Variants in PHIP observed in about 807,000 individuals in gnomAD.
PHIP encodes the protein PH-interacting protein.
In PHIP, 54 loss-of-function variants were observed where a neutral mutation model predicts 236.8. That is an observed-to-expected ratio of 0.23 (90% confidence interval 0.18 to 0.29). The LOEUF (loss-of-function observed/expected upper bound fraction) is 0.29, where lower values mean the gene tolerates loss of function less well. Ranked by LOEUF, PHIP falls within the 10% of genes least tolerant of loss-of-function variation. The pLI, the probability that PHIP is intolerant of heterozygous loss-of-function variation, is 1.00. For synonymous variants in PHIP, 756 were observed against 718.9 expected, an observed-to-expected ratio of 1.05 and a Z score of -0.83; for missense variants, 1,370 against 2,190.8, an observed-to-expected ratio of 0.63 and a Z score of 7.48.
At chr6:78,971,867 C>T (rs1227728660) in intron 24 of PHIP, among the ~76,000 whole-genome samples, 11 of 152,150 alleles carry the variant, frequency 7.2e-5, no homozygotes, top group Admixed American at 2.6e-4. Flanking sequence ...GCACCTGGCT[C>T]GGAGGGTCCT....
chr6:78,970,143 T>TTA lies in PHIP; in HGVS notation c.3026_3027dup (p.Lys1010Ter). ...AGGGTAGGTAATCCCACTTCATACT[T>TTA]TATGCCAACTATTTTCATAAGTTCT... On this transcript the variant is annotated frameshift_variant, in exon 26 of 40. Coordinates refer to ENST00000275034, the MANE Select transcript of PHIP (RefSeq NM_017934.7). LOFTEE classifies it high-confidence loss of function. 1 of 1,612,156 alleles carries TTA rather than the reference T, an allele frequency of 6.2e-7. No individual in the cohort carries two copies. Among genetic ancestry groups the TTA allele is most frequent in the Non-Finnish European group, 8.5e-7 (1 of 1,178,454 alleles).
At chr6:79,063,491 A>T (rs1773483225) in intron 4 of PHIP, among the ~76,000 whole-genome samples, 1 of 152,130 alleles carries the variant, frequency 6.6e-6, no homozygotes, top group South Asian at 2.1e-4. Flanking sequence ...ATCTCGGCTC[A>T]CTGCAACCTC....
Position 79,000,717 on chromosome 6 carries a change from TATCTA to T in PHIP, c.1879+1177_1879+1181del, listed in dbSNP as rs540850698. ...CCAGAACTTCTCTAATACTGAAACT[TATCTA>T]ATCTGAGTCTGAGTATCTGTCCATA... On this transcript the variant is annotated intron_variant, in intron 17 of 39. Coordinates refer to ENST00000275034, the MANE Select transcript of PHIP (RefSeq NM_017934.7). Among the ~76,000 whole-genome samples the T allele has an allele frequency of 2.6e-5, 4 of 152,178 alleles. No individual in the cohort carries two copies. In the South Asian group the frequency reaches 8.3e-4, roughly 32 times the overall value.
intron 3 of PHIP, 58 bp from the exon 4 acceptor site, chr6:79,077,565 TCCCCCGCCCGC>T: frequency 1.3e-6 from 1 of 745,318 alleles, no homozygotes; most frequent in Non-Finnish European, 1.6e-6. Flanking sequence ...CCCGCTCCCC[TCCCCCGCCCGC>T]CCCGCGCCCC....
intron 37 of PHIP, 134 bp downstream of exon 37, chr6:78,946,577 A>C: frequency 7.1e-7 from 1 of 1,406,042 alleles, no homozygotes; most frequent in South Asian, 1.7e-5. Context: ...AATCCTCCAC[A>C]TCATAGGAAC....
intron 33 of PHIP, 123 bp downstream of exon 33, chr6:78,955,490 T>A (rs1329352253): frequency 1.8e-6 from 1 of 553,536 alleles, no homozygotes; most frequent in Non-Finnish European, 3.2e-6. Flanking sequence ...TGTTTTTTTT[T>A]TTTAAATTAA....
intron 7 of PHIP, among the ~76,000 whole-genome samples, chr6:79,031,977 G>T (rs1398272859): frequency 2.0e-5 from 3 of 152,160 alleles, no homozygotes; most frequent in African/African-American, 7.2e-5. Context: ...CTCAGTTCCA[G>T]ACCACTGCAA....
At chr6:79,054,950 T>TC in intron 6 of PHIP, among the ~76,000 whole-genome samples, 1 of 151,820 alleles carries the variant, frequency 6.6e-6, no homozygotes. Context: ...AGACTTTTTT[T>TC]TTTTTTAAAT....
At chr6:78,972,225 C>T (rs1434584094) in intron 24 of PHIP, among the ~76,000 whole-genome samples, 1 of 152,188 alleles carries the variant, frequency 6.6e-6, no homozygotes, top group African/African-American at 2.4e-5. Context: ...TGACCCCTGA[C>T]CCCTGAGCAG....
intron 7 of PHIP, among the ~76,000 whole-genome samples, chr6:79,033,375 C>G (rs141050040): frequency 6.6e-6 from 1 of 152,312 alleles, no homozygotes; most frequent in East Asian, 1.9e-4. Flanking sequence ...ACAGCTGTTT[C>G]ACCTGTAATT....
chr6:79,060,051 C>T (rs999101246), intron 6 of PHIP, among the ~76,000 whole-genome samples: 1 of 150,922 alleles, frequency 6.6e-6, no homozygotes, highest in African/African-American at 2.4e-5. Flanking sequence ...TAGGAGGCAT[C>T]TCAAGAAGAC....
chr6:78,990,566 A>G (rs1191884748), intron 20 of PHIP, among the ~76,000 whole-genome samples: 1 of 152,186 alleles, frequency 6.6e-6, no homozygotes, highest in African/African-American at 2.4e-5. Flanking sequence ...TAGACTGTAC[A>G]AAGATGGCAC....
rs1773460740 is a variant in PHIP, at chr6:78,940,775, G to A, written c.5384C>T (p.Thr1795Ile). The change falls in exon 40 of 40, where the codon ACC becomes ATC. Residue 1795 changes from threonine (T) to isoleucine (I), a missense_variant. By Grantham distance (89) the Thr-to-Ile change is moderately conservative. Coordinates refer to ENST00000275034, the MANE Select transcript of PHIP (RefSeq NM_017934.7). ...EEQRQLLFED[T>I]SLTFGTSSRG... ...ACTAGAAGTTCCAAAAGTTAAAGAGGTGTCTTCGAACAACAGCTGCCTTTG... is the reference window on the plus strand; with the variant it reads ...ACTAGAAGTTCCAAAAGTTAAAGAGATGTCTTCGAACAACAGCTGCCTTTG... 2.5e-6 allele frequency: 4 copies of A among 1,613,568 alleles called. No homozygotes were observed. Among genetic ancestry groups the A allele is most frequent in the East Asian group, 2.2e-5 (1 of 44,854 alleles).
chr6:79,014,930 A>T, intron 15 of PHIP, 152 bp downstream of exon 15: 1 of 595,744 alleles, frequency 1.7e-6, no homozygotes, highest in Non-Finnish European at 2.9e-6. Flanking sequence ...ATGTCAATAA[A>T]AGTGTGGAAT....
intron 6 of PHIP, among the ~76,000 whole-genome samples, chr6:79,058,020 T>C (rs1773159649): frequency 6.6e-6 from 1 of 152,118 alleles, no homozygotes; most frequent in Non-Finnish European, 1.5e-5. Flanking sequence ...TCAAAAAATA[T>C]ATGTAAATAC....
chr6:79,069,947 A>G (rs1034077620), intron 4 of PHIP, among the ~76,000 whole-genome samples: 1 of 152,070 alleles, frequency 6.6e-6, no homozygotes, highest in African/African-American at 2.4e-5. Context: ...ACCAACACAA[A>G]TTTGTCATTT....
In PHIP at chr6:78,990,069, TA is replaced by T. The variant is rs547506041; in HGVS notation, c.2319+798del. The stretch of plus-strand genomic sequence containing the variant: ...GAGAAGAAGACTGATTTAGGAGTTT[TA>T]AAAAACTCAAATGAAAAAAAGGAAG... On this transcript the variant is annotated intron_variant, in intron 20 of 39. Transcript: ENST00000275034. 7.9e-5 allele frequency among the ~76,000 whole-genome samples: 12 copies of T among 152,216 alleles called. No individual in the cohort carries two copies. In the East Asian group the frequency reaches 2.3e-3, roughly 29 times the overall value.
intron 1 of PHIP, 56 bp from the exon 2 acceptor site, chr6:79,077,969 G>T (rs1168528424): frequency 1.9e-6 from 3 of 1,593,424 alleles, no homozygotes; most frequent in South Asian, 2.2e-5. Flanking sequence ...GGCGGCGGGG[G>T]GCGGGGGACC....
At chr6:79,034,724 G>T (rs1771844785) in intron 7 of PHIP, among the ~76,000 whole-genome samples, 1 of 152,148 alleles carries the variant, frequency 6.6e-6, no homozygotes, top group Non-Finnish European at 1.5e-5. Context: ...TTTAGGCCCA[G>T]ATGTTGCAAA....
Sources: gnomAD v4.1 joint callset for allele counts (sites outside exome capture counted in the v4.1 genomes callset) on GRCh38, gnomAD v4.1.1 for gene constraint, MANE v1.5 for transcripts, NCBI Gene and HGNC (gene_info 2026-07-23, HGNC 2026-07-21) for gene names.